Variants in TNIK observed in about 807,000 individuals in gnomAD.
The protein encoded by TNIK is TRAF2 and NCK interacting kinase.
TNIK carries 49 observed loss-of-function variants against 191.3 expected under a neutral mutation model. The observed-to-expected ratio is 0.26, with a 90% confidence interval of 0.20 to 0.32. The LOEUF (loss-of-function observed/expected upper bound fraction) is 0.32. TNIK is among the 10% of genes least tolerant of loss of function. The pLI is 1.00. For synonymous variants in TNIK, 594 were observed against 600.9 expected (o/e 0.99, Z 0.17); for missense variants, 1,155 against 1,702.3 (o/e 0.68, Z 5.66).
At chr3:171,180,300 A>G (rs1468007362) in intron 7 of TNIK, among the ~76,000 whole-genome samples, 4 of 152,062 alleles carry the variant, frequency 2.6e-5, no homozygotes, top group Admixed American at 6.6e-5. Flanking sequence ...TGTGTTCTCA[A>G]CGAGGACCCC....
chr3:171,293,388 C>T (rs189111201), intron 2 of TNIK, among the ~76,000 whole-genome samples: 11 of 152,274 alleles, frequency 7.2e-5, no homozygotes, highest in Admixed American at 7.2e-4. Context: ...AGTCTTCACT[C>T]CCAAGGGTAG....
At chr3:171,212,665 C>T (rs571804484) in intron 3 of TNIK, among the ~76,000 whole-genome samples, 2 of 152,242 alleles carry the variant, frequency 1.3e-5, no homozygotes, top group South Asian at 2.1e-4. Context: ...CGGTAAGAAC[C>T]GTAAACTCAG....
At chr3:171,337,343 G>A (rs1222256689) in intron 2 of TNIK, among the ~76,000 whole-genome samples, 1 of 152,218 alleles carries the variant, frequency 6.6e-6, no homozygotes, top group Non-Finnish European at 1.5e-5. Flanking sequence ...AGTCGCAAGA[G>A]GAACGGAAAG....
chr3:171,263,463 G>C (rs76735261), intron 2 of TNIK, among the ~76,000 whole-genome samples: 9,971 of 151,956 alleles, frequency 0.066, 374 homozygotes, highest in Middle Eastern at 0.12. Context: ...ACAATTTTGA[G>C]AGAAAAAAAG....
At chr3:171,289,043 T>C (rs945353768) in intron 2 of TNIK, among the ~76,000 whole-genome samples, 3 of 152,170 alleles carry the variant, frequency 2.0e-5, no homozygotes, top group Non-Finnish European at 4.4e-5. Flanking sequence ...TTATAATGTA[T>C]ATGTTCTCAT....
chr3:171,294,285 T>C (rs949423314), intron 2 of TNIK, among the ~76,000 whole-genome samples: 13 of 151,606 alleles, frequency 8.6e-5, no homozygotes, highest in African/African-American at 3.2e-4. Context: ...TAGCCAGGCA[T>C]GATGGCATAT....
chr3:171,453,228 T>C (rs1728397222), intron 1 of TNIK, among the ~76,000 whole-genome samples: 1 of 152,200 alleles, frequency 6.6e-6, no homozygotes, highest in South Asian at 2.1e-4. Context: ...TAAAAAGGAA[T>C]TGTCTAGTAG....
chr3:171,351,365 C>T (rs987450968), intron 2 of TNIK, among the ~76,000 whole-genome samples: 2 of 151,984 alleles, frequency 1.3e-5, no homozygotes, highest in East Asian at 1.9e-4. Context: ...TGTAAAAACA[C>T]TTGACAGATC....
chr3:171,202,934 G>T (rs554333707), intron 4 of TNIK, among the ~76,000 whole-genome samples: 7 of 152,156 alleles, frequency 4.6e-5, no homozygotes, highest in African/African-American at 9.7e-5. Flanking sequence ...AGTGACGTAG[G>T]CTCTGTATAT....
intron 2 of TNIK, among the ~76,000 whole-genome samples, chr3:171,236,052 T>G (rs1352238498): frequency 6.6e-6 from 1 of 152,176 alleles, no homozygotes. Flanking sequence ...GGCTGCTACA[T>G]ACTAGAACAG....
chr3:171,150,496 G>C (rs1214669440), intron 12 of TNIK, among the ~76,000 whole-genome samples: 1 of 152,142 alleles, frequency 6.6e-6, no homozygotes, highest in Non-Finnish European at 1.5e-5. Context: ...CAAGATCTCT[G>C]TTCCTTATGA....
chr3:171,421,424 T>C (rs371122106), intron 1 of TNIK, among the ~76,000 whole-genome samples: 1 of 152,148 alleles, frequency 6.6e-6, no homozygotes, highest in African/African-American at 2.4e-5. Context: ...ACGCCCCTCT[T>C]TCCATAGCCC....
chr3:171,162,418 C>T (rs534715425), intron 10 of TNIK, among the ~76,000 whole-genome samples: 4 of 152,102 alleles, frequency 2.6e-5, no homozygotes, highest in South Asian at 4.2e-4. Context: ...AGTGAGACTC[C>T]GTCTCAAATA....
intron 2 of TNIK, among the ~76,000 whole-genome samples, chr3:171,361,616 G>A (rs1714986523): frequency 6.6e-6 from 1 of 152,112 alleles, no homozygotes; most frequent in African/African-American, 2.4e-5. Context: ...AAGTAAAATT[G>A]TTACCTTTAA....
intron 24 of TNIK, among the ~76,000 whole-genome samples, chr3:171,086,672 G>T (rs1721398248): frequency 6.6e-6 from 1 of 152,154 alleles, no homozygotes; most frequent in Admixed American, 6.5e-5. Flanking sequence ...CACATTTAGG[G>T]CCTTACGTGT....
chr3:171,180,225 C>A (rs1736473902), intron 7 of TNIK, among the ~76,000 whole-genome samples: 1 of 152,176 alleles, frequency 6.6e-6, no homozygotes, highest in Admixed American at 6.5e-5. Context: ...GTTACCTCTT[C>A]CTGCAGCACC....
rs370135413 is a variant in TNIK, at chr3:171,239,928, C to T, written c.124-11707G>A. On this transcript the variant is annotated intron_variant, in intron 2 of 32. Transcript: ENST00000436636. ...TTTGTCTGAAATCTTGGGGGAGGGG[C>T]GGGGGTGAAATATGATGACACACTG... 1.1e-4 allele frequency among the ~76,000 whole-genome samples: 16 copies of T among 151,042 alleles called. No homozygotes were observed. In the East Asian group the frequency reaches 1.2e-3, roughly 11 times the overall value.
chr3:171,240,842 C>T (rs756662077), intron 2 of TNIK, among the ~76,000 whole-genome samples: 2 of 152,080 alleles, frequency 1.3e-5, no homozygotes, highest in Admixed American at 6.6e-5. Flanking sequence ...TCATGAGTAT[C>T]GGGCATTTCC....
chr3:171,183,563 A>T (rs374024985), intron 7 of TNIK, among the ~76,000 whole-genome samples: 7 of 152,194 alleles, frequency 4.6e-5, no homozygotes, highest in African/African-American at 1.7e-4. Context: ...GCTCAACGTA[A>T]GCAGACAGAG....
Sources: gnomAD v4.1 joint callset for allele counts (sites outside exome capture counted in the v4.1 genomes callset) on GRCh38, gnomAD v4.1.1 for gene constraint, MANE v1.5 for transcripts, NCBI Gene and HGNC (gene_info 2026-07-23, HGNC 2026-07-21) for gene names.